Variants in KAZN observed in about 807,000 individuals in gnomAD.
KAZN encodes kazrin.
In KAZN, 40 loss-of-function variants were observed where a neutral mutation model predicts 87.4. The ratio of observed to expected loss-of-function variants is 0.46; its 90% CI spans 0.36 to 0.60. The LOEUF is 0.60. Among genes scored for constraint, KAZN ranks in the 20% least tolerant of loss-of-function variants. The probability of loss-of-function intolerance (pLI) is 0.00; values close to 1 mark genes in which losing one functional copy is unlikely to be tolerated. For synonymous variants in KAZN, 466 were observed against 458.3 expected (o/e 1.02, Z -0.22); for missense variants, 898 against 1,073.9 (o/e 0.84, Z 2.29).
chr1:14,482,903 C>T (rs190390245), intron 2 of KAZN, among the ~76,000 whole-genome samples: 2 of 152,294 alleles, frequency 1.3e-5, no homozygotes, highest in East Asian at 3.9e-4. Flanking sequence ...TACTTACTAG[C>T]TGGGCAAGTA....
At chr1:14,911,667 G>A (rs1479892223) in intron 1 of KAZN, among the ~76,000 whole-genome samples, 1 of 152,168 alleles carries the variant, frequency 6.6e-6, no homozygotes, top group African/African-American at 2.4e-5. Flanking sequence ...TCCCTAGCTA[G>A]GAGGTGCCCA....
intron 2 of KAZN, among the ~76,000 whole-genome samples, chr1:14,478,278 G>GAAGA (rs1553178156): frequency 6.7e-6 from 1 of 148,752 alleles, no homozygotes; most frequent in South Asian, 2.1e-4. Context: ...AGGAAGAAAG[G>GAAGA]AAGGAAGGAA....
intron 2 of KAZN, among the ~76,000 whole-genome samples, chr1:14,993,601 C>A (rs367963354): frequency 6.6e-5 from 10 of 152,208 alleles, no homozygotes; most frequent in Admixed American, 2.0e-4. Flanking sequence ...CACTCTCCCC[C>A]ACTCCCCGCC....
chr1:14,056,087 G>A (rs898833370), intron 1 of KAZN, among the ~76,000 whole-genome samples: 2 of 152,190 alleles, frequency 1.3e-5, no homozygotes, highest in Admixed American at 6.5e-5. Flanking sequence ...TTTTCCCAAA[G>A]CCTTTTCACC....
chr1:14,742,046 C>T (rs964617076), intron 1 of KAZN, among the ~76,000 whole-genome samples: 1 of 152,116 alleles, frequency 6.6e-6, no homozygotes, highest in Middle Eastern at 3.4e-3. Context: ...ATAGAACCAT[C>T]CCCAAGCAAA....
At chr1:14,922,046 G>A (rs987809941) in intron 1 of KAZN, among the ~76,000 whole-genome samples, 1 of 152,186 alleles carries the variant, frequency 6.6e-6, no homozygotes, top group Non-Finnish European at 1.5e-5. Context: ...GAGTTAAGAG[G>A]AAAGCACATG....
intron 2 of KAZN, among the ~76,000 whole-genome samples, chr1:14,462,136 T>C (rs1274552055): frequency 6.6e-6 from 1 of 151,340 alleles, no homozygotes; most frequent in Admixed American, 6.6e-5. Context: ...TAGCTTTGAA[T>C]GTTGTTCTCC....
At chr1:14,951,810 GC>G (rs755937870) in intron 1 of KAZN, among the ~76,000 whole-genome samples, 26 of 152,102 alleles carry the variant, frequency 1.7e-4, no homozygotes, top group Non-Finnish European at 2.5e-4. Context: ...CCCTCCAAGG[GC>G]AATATGATTC....
At chr1:14,137,543 A>C (rs559996792) in intron 1 of KAZN, among the ~76,000 whole-genome samples, 27 of 152,208 alleles carry the variant, frequency 1.8e-4, no homozygotes, top group African/African-American at 6.5e-4. Context: ...GTCCTTCGGC[A>C]AGTTGCTTAA....
chr1:15,089,358 A>G (rs1573283187), intron 8 of KAZN, among the ~76,000 whole-genome samples: 1 of 140,262 alleles, frequency 7.1e-6, no homozygotes, highest in African/African-American at 2.7e-5. Context: ...CACCCCTCCC[A>G]CCTTGACCAG....
intron 2 of KAZN, among the ~76,000 whole-genome samples, chr1:14,380,725 G>GA (rs1212587990): frequency 6.6e-6 from 1 of 152,102 alleles, no homozygotes. Flanking sequence ...ATGAGATCTA[G>GA]AAAAATAGCC....
chr1:14,943,075 T>G (rs910401161), intron 1 of KAZN, among the ~76,000 whole-genome samples: 35 of 149,360 alleles, frequency 2.3e-4, no homozygotes, highest in African/African-American at 6.8e-4. Context: ...CTTGGGTTTT[T>G]TTTTTTTTTT....
intron 1 of KAZN, among the ~76,000 whole-genome samples, chr1:14,917,244 T>A (rs572489310): frequency 6.6e-6 from 1 of 152,110 alleles, no homozygotes; most frequent in African/African-American, 2.4e-5. Flanking sequence ...TCTAAATAGG[T>A]TTGGGGAAAA....
intron 2 of KAZN, among the ~76,000 whole-genome samples, chr1:14,447,051 C>T (rs1426347427): frequency 1.3e-5 from 2 of 151,880 alleles, no homozygotes; most frequent in African/African-American, 2.4e-5. Flanking sequence ...TCAACCCATA[C>T]CTCTCATCTT....
chr1:14,419,271 T>C (rs1188358383), intron 2 of KAZN, among the ~76,000 whole-genome samples: 1 of 152,208 alleles, frequency 6.6e-6, no homozygotes, highest in East Asian at 1.9e-4. Context: ...ATTCAGTGAC[T>C]TTCCCAAAGT....
At chr1:14,181,518 A>G (rs1447297786) in intron 2 of KAZN, among the ~76,000 whole-genome samples, 1 of 152,202 alleles carries the variant, frequency 6.6e-6, no homozygotes, top group Non-Finnish European at 1.5e-5. Context: ...TCTTGTACCA[A>G]TACGGCTTTA....
At chr1:15,113,533 C>T (rs1014795687) in intron 14 of KAZN, 25 of 152,210 alleles carry the variant, frequency 1.6e-4, no homozygotes, top group Admixed American at 1.2e-3. Flanking sequence ...TACTTTAACA[C>T]AGAGATGTGT....
chr1:14,033,385 A>G (rs1641409063), intron 1 of KAZN, among the ~76,000 whole-genome samples: 1 of 152,196 alleles, frequency 6.6e-6, no homozygotes. Flanking sequence ...TGAATGCCAC[A>G]GTCATGGCAT....
chr1:14,208,913 C>T (rs1287409078), intron 2 of KAZN, among the ~76,000 whole-genome samples: 1 of 152,184 alleles, frequency 6.6e-6, no homozygotes, highest in African/African-American at 2.4e-5. Context: ...CCTTGAGATT[C>T]TAAGAGGTTC....
Sources: gnomAD v4.1 joint callset for allele counts (sites outside exome capture counted in the v4.1 genomes callset) on GRCh38, gnomAD v4.1.1 for gene constraint, MANE v1.5 for transcripts, NCBI Gene and HGNC (gene_info 2026-07-23, HGNC 2026-07-21) for gene names.